Variants in HMGB1 observed in about 807,000 individuals in gnomAD.
HMGB1 encodes high mobility group box 1.
For missense variants in HMGB1, 79 were observed against 253.5 expected (o/e 0.31, Z 4.67); for synonymous variants, 81 against 84.0 (o/e 0.96, Z 0.19).
chr13:30,478,644 T>C (rs1339363912), intron 1 of HMGB1, among the ~76,000 whole-genome samples: 1 of 152,184 alleles, frequency 6.6e-6, no homozygotes, highest in African/African-American at 2.4e-5. Flanking sequence ...TATTTATTTC[T>C]GATGGAAGAT....
At position 30,459,771 on chromosome 13, in the gene HMGB1, T is replaced by G. The variant is rs1390044064; in HGVS notation, c.*1586A>C. ...CTTATACTTATTTAAAAGGTACTGCTAAGAGGTATTATTAGAAACAAGATT... is the reference window on the plus strand; with the variant it reads ...CTTATACTTATTTAAAAGGTACTGCGAAGAGGTATTATTAGAAACAAGATT... On this transcript the variant is annotated 3_prime_UTR_variant, in exon 5 of 5. Coordinates refer to ENST00000341423, the MANE Select transcript of HMGB1 (RefSeq NM_002128.7). 1.3e-5 allele frequency: 2 copies of G among 152,240 alleles called. No homozygotes were observed. Among genetic ancestry groups the G allele is most frequent in the African/African-American group, 2.4e-5 (1 of 41,448 alleles). The allele number at this position is 152,240 out of a possible 1,614,324, so 9.4% of individuals were successfully genotyped here. A position where few individuals can be genotyped will look rare whatever the true frequency, so the allele number is the denominator to read the frequency against.
intron 1 of HMGB1, among the ~76,000 whole-genome samples, chr13:30,471,169 A>G (rs1886916384): frequency 6.6e-6 from 1 of 151,346 alleles, no homozygotes; most frequent in African/African-American, 2.4e-5. Flanking sequence ...ACAGGGTTTC[A>G]TTATATTGGA....
At chr13:30,539,586 A>G (rs1333922399) in intron 1 of HMGB1, 7 of 277,140 alleles carry the variant, frequency 2.5e-5, no homozygotes, top group Admixed American at 4.1e-5. Context: ...AGTAGTGCTA[A>G]TGTGCTGGGG....
At position 30,459,965 on chromosome 13, in the gene HMGB1, TAAC is replaced by T. The variant is rs1323081685; in HGVS notation, c.*1389_*1391del. On this transcript the variant is annotated 3_prime_UTR_variant, in exon 5 of 5. Transcript: ENST00000341423. Reference sequence around the variant, plus strand: ...GGAAAGAATCCAAGTCTAAATTATATAACAAAACAGCACTCCATCACAAAAGCG... The same window carrying T: ...GGAAAGAATCCAAGTCTAAATTATATAAAACAGCACTCCATCACAAAAGCG... 3.9e-5 allele frequency: 6 copies of T among 152,692 alleles called. No individual in the cohort carries two copies. The highest frequency in any genetic ancestry group is 1.4e-4 in the African/African-American group (6 of 41,546). 9.5% of individuals were successfully genotyped at this position (152,692 alleles called of 1,614,324 possible).
intron 1 of HMGB1, among the ~76,000 whole-genome samples, chr13:30,473,697 T>C (rs1420279386): frequency 6.6e-6 from 1 of 152,172 alleles, no homozygotes; most frequent in African/African-American, 2.4e-5. Context: ...AAGCTGACAG[T>C]TCCTCAAAAG....
At chr13:30,475,321 C>T (rs1228208081) in intron 1 of HMGB1, among the ~76,000 whole-genome samples, 1 of 149,194 alleles carries the variant, frequency 6.7e-6, no homozygotes, top group Admixed American at 6.7e-5. Flanking sequence ...CCCCTCCCTT[C>T]ACCCCACCCC....
At chr13:30,588,199 A>T (rs999322557) in intron 1 of HMGB1, among the ~76,000 whole-genome samples, 2 of 152,248 alleles carry the variant, frequency 1.3e-5, no homozygotes, top group Admixed American at 1.3e-4. Context: ...AGAAACCATA[A>T]TGTTAAAAAT....
chr13:30,535,726 C>T (rs1160145691), intron 1 of HMGB1, among the ~76,000 whole-genome samples: 1 of 152,192 alleles, frequency 6.6e-6, no homozygotes, highest in African/African-American at 2.4e-5. Flanking sequence ...CACATCTCTA[C>T]TAAAAATACA....
At chr13:30,527,917 C>T (rs1240022060) in intron 1 of HMGB1, among the ~76,000 whole-genome samples, 1 of 152,160 alleles carries the variant, frequency 6.6e-6, no homozygotes, top group Admixed American at 6.5e-5. Flanking sequence ...TCCTGCTGCC[C>T]TGTCTCTTTT....
chr13:30,557,603 A>G (rs1869744355), intron 1 of HMGB1, among the ~76,000 whole-genome samples: 1 of 152,200 alleles, frequency 6.6e-6, no homozygotes, highest in African/African-American at 2.4e-5. Context: ...TTTGGAAGTC[A>G]TCTAACCCAT....
intron 1 of HMGB1, among the ~76,000 whole-genome samples, chr13:30,519,905 C>G (rs2137473258): frequency 6.6e-6 from 1 of 152,324 alleles, no homozygotes; most frequent in African/African-American, 2.4e-5. Context: ...GCTTCCTTAT[C>G]ACTTACCATT....
At chr13:30,590,392 G>A (rs952345410) in intron 1 of HMGB1, among the ~76,000 whole-genome samples, 4 of 152,108 alleles carry the variant, frequency 2.6e-5, no homozygotes, top group East Asian at 1.9e-4. Flanking sequence ...TAGAGACGGC[G>A]TTTCACCATG....
intron 1 of HMGB1, among the ~76,000 whole-genome samples, chr13:30,538,894 T>C (rs1215106488): frequency 2.0e-5 from 3 of 151,184 alleles, no homozygotes; most frequent in Admixed American, 6.6e-5. Flanking sequence ...CCCAAAGGTG[T>C]TTTGTTTTGT....
intron 1 of HMGB1, among the ~76,000 whole-genome samples, chr13:30,509,543 C>A (rs1414278347): frequency 6.6e-6 from 1 of 151,962 alleles, no homozygotes; most frequent in African/African-American, 2.4e-5. Flanking sequence ...TGGCCGTGCC[C>A]CAATATTCTT....
chr13:30,484,535 A>C (rs1887315655), intron 1 of HMGB1, among the ~76,000 whole-genome samples: 1 of 152,172 alleles, frequency 6.6e-6, no homozygotes, highest in South Asian at 2.1e-4. Flanking sequence ...TGGGATGGGT[A>C]TAAGAGCTTA....
chr13:30,505,377 A>G (rs779515869), intron 1 of HMGB1, among the ~76,000 whole-genome samples: 2 of 151,810 alleles, frequency 1.3e-5, no homozygotes, highest in Non-Finnish European at 2.9e-5. Flanking sequence ...ACAGGGTTTC[A>G]CCGTGTTAGC....
At chr13:30,526,062 ATTTC>A (rs1351817478) in intron 1 of HMGB1, among the ~76,000 whole-genome samples, 1 of 152,022 alleles carries the variant, frequency 6.6e-6, no homozygotes, top group Admixed American at 6.6e-5. Context: ...AACAACTTTT[ATTTC>A]TTTTTTTTGA....
At chr13:30,505,506 T>C (rs2137457585) in intron 1 of HMGB1, among the ~76,000 whole-genome samples, 1 of 152,238 alleles carries the variant, frequency 6.6e-6, no homozygotes, top group Admixed American at 6.5e-5. Context: ...GAGATGGGTT[T>C]CACCATATTG....
In HMGB1 at chr13:30,457,859, T is replaced by A. The variant is rs1290865485; in HGVS notation, c.*3498A>T. On this transcript the variant is annotated 3_prime_UTR_variant, in exon 5 of 5. Coordinates refer to ENST00000341423, the MANE Select transcript of HMGB1 (RefSeq NM_002128.7). ...TGTGGCAAGTGTTATTAGCACTGCC[T>A]TGGTATTAAGAGGACAAGAAAATGA... The A allele has an allele frequency of 2.7e-5, 4 of 149,094 alleles. No homozygotes were observed. In the East Asian group the frequency reaches 8.0e-4, roughly 30 times the overall value. 9.2% of individuals were successfully genotyped at this position (149,094 alleles called of 1,614,324 possible).
Sources: gnomAD v4.1 joint callset for allele counts (sites outside exome capture counted in the v4.1 genomes callset) on GRCh38, gnomAD v4.1.1 for gene constraint, MANE v1.5 for transcripts, NCBI Gene and HGNC (gene_info 2026-07-23, HGNC 2026-07-21) for gene names.